Variants in PPM1L observed in about 807,000 individuals in gnomAD.
PPM1L encodes protein phosphatase 1L.
A neutral mutation model predicts 31.4 loss-of-function variants in PPM1L; 13 were observed. That is an observed-to-expected ratio of 0.41 (90% CI 0.27 to 0.66). PPM1L has a LOEUF of 0.66. PPM1L is among the 30% of genes least tolerant of loss of function. PPM1L has a pLI of 0.29. For missense variants in PPM1L, 326 were observed against 453.7 expected, an observed-to-expected ratio of 0.72 and a Z score of 2.56; for synonymous variants, 184 against 175.4, an observed-to-expected ratio of 1.05 and a Z score of -0.39.
chr3:160,915,257 T>A lies in PPM1L; in HGVS notation c.400-46479T>A, dbSNP rs545670677. ...GCAAAAATCACGAGCATTCTTATAC[T>A]CCAATAATAGACAAACAGAGAGCCA... is the stretch of plus-strand genomic sequence containing the variant. On this transcript the variant is annotated intron_variant, in intron 1 of 3. Coordinates refer to ENST00000498165, the MANE Select transcript of PPM1L (RefSeq NM_139245.4). 3.9e-4 allele frequency among the ~76,000 whole-genome samples: 59 copies of A among 152,136 alleles called. No homozygotes were observed. In the East Asian group the frequency reaches 8.3e-3, roughly 21 times the overall value.
chr3:160,838,496 T>C (rs986191984), intron 1 of PPM1L, among the ~76,000 whole-genome samples: 1 of 152,206 alleles, frequency 6.6e-6, no homozygotes, highest in African/African-American at 2.4e-5. Context: ...CAGTCTGTTA[T>C]TGTTCCTTGT....
chr3:160,891,355 C>T (rs180863243), intron 1 of PPM1L, among the ~76,000 whole-genome samples: 70 of 152,130 alleles, frequency 4.6e-4, no homozygotes, highest in African/African-American at 1.7e-3. Context: ...AGAATGTCTT[C>T]TTGAAAGAAG....
chr3:160,798,809 A>T (rs1371047259), intron 1 of PPM1L, among the ~76,000 whole-genome samples: 1 of 152,218 alleles, frequency 6.6e-6, no homozygotes, highest in African/African-American at 2.4e-5. Context: ...GCTGCCATAG[A>T]TAGTGATTCC....
At chr3:160,944,872 T>TATATAAC (rs1559897270) in intron 1 of PPM1L, among the ~76,000 whole-genome samples, 2 of 32,634 alleles carry the variant, frequency 6.1e-5, no homozygotes, top group African/African-American at 1.6e-4. Context: ...TATAATGTTA[T>TATATAAC]ATATAACATA....
rs1283509805 is a variant in PPM1L at position 161,003,476 on chromosome 3, G to A, written c.574+41566G>A. Among the ~76,000 whole-genome samples, 54 of 151,604 alleles carry A rather than the reference G, an allele frequency of 3.6e-4. 1 individual carries two copies. In the South Asian group the frequency reaches 9.7e-3, roughly 27 times the overall value. On this transcript the variant is annotated intron_variant, in intron 2 of 3. Coordinates refer to ENST00000498165, the MANE Select transcript of PPM1L (RefSeq NM_139245.4). ...TTGATTCTTCCTACCCATGAGCATG[G>A]AATGTTCTTCCATTTGTTTGTATCC...
intron 2 of PPM1L, among the ~76,000 whole-genome samples, chr3:161,023,504 C>G (rs1458858206): frequency 6.6e-6 from 1 of 152,128 alleles, no homozygotes; most frequent in African/African-American, 2.4e-5. Context: ...TATTATGCCT[C>G]CTCATATCGG....
chr3:160,961,148 T>C (rs1184331528), intron 1 of PPM1L, among the ~76,000 whole-genome samples: 1 of 152,110 alleles, frequency 6.6e-6, no homozygotes, highest in Non-Finnish European at 1.5e-5. Flanking sequence ...TGGTTTTGTT[T>C]GTTTGTTTGT....
intron 2 of PPM1L, among the ~76,000 whole-genome samples, chr3:161,059,910 C>A (rs1719520741): frequency 6.6e-6 from 1 of 152,104 alleles, no homozygotes; most frequent in Admixed American, 6.5e-5. Context: ...TGATTGGAAG[C>A]TTCTTGAGGC....
In PPM1L at chr3:160,961,868, C is replaced by A. The variant is rs764770635; in HGVS notation, c.532C>A (p.Arg178=). The A allele has an allele frequency of 6.3e-7, 1 of 1,586,882 alleles. No homozygotes were observed. ...ILEQQILSID[R]EMLEKLTVSY... ...TGAACAGCAGATTTTGTCAATTGAC[C>A]GAGAAATGCTAGAAAAATTGACTGT... Residue 178 remains arginine, a synonymous_variant, in exon 2 of 4, where the codon CGA becomes AGA. Transcript: ENST00000498165.
chr3:160,874,477 A>G (rs1387304064), intron 1 of PPM1L, among the ~76,000 whole-genome samples: 1 of 152,056 alleles, frequency 6.6e-6, no homozygotes, highest in Non-Finnish European at 1.5e-5. Flanking sequence ...GCCAAAATGG[A>G]TTTCTATTGC....
At chr3:160,987,189 C>T (rs949193249) in intron 2 of PPM1L, among the ~76,000 whole-genome samples, 2 of 152,084 alleles carry the variant, frequency 1.3e-5, no homozygotes, top group East Asian at 3.9e-4. Context: ...TATGCTGGAG[C>T]CAGACAGGCA....
intron 1 of PPM1L, among the ~76,000 whole-genome samples, chr3:160,903,812 A>C (rs1713649114): frequency 7.0e-6 from 1 of 142,236 alleles, no homozygotes; most frequent in Admixed American, 7.3e-5. Flanking sequence ...GGAAGAGACA[A>C]GTCAAAGGGA....
At chr3:160,815,123 T>C (rs1712956287) in intron 1 of PPM1L, among the ~76,000 whole-genome samples, 1 of 151,990 alleles carries the variant, frequency 6.6e-6, no homozygotes, top group Non-Finnish European at 1.5e-5. Flanking sequence ...CTTATCTATA[T>C]AATGAAATAC....
At chr3:160,773,715 A>G (rs1277944647) in intron 1 of PPM1L, among the ~76,000 whole-genome samples, 2 of 152,092 alleles carry the variant, frequency 1.3e-5, no homozygotes, top group Non-Finnish European at 2.9e-5. Flanking sequence ...TCCTTTTTCC[A>G]TCTGACACTT....
intron 1 of PPM1L, among the ~76,000 whole-genome samples, chr3:160,788,210 G>A (rs998239642): frequency 6.6e-6 from 1 of 152,092 alleles, no homozygotes; most frequent in African/African-American, 2.4e-5. Flanking sequence ...TGGGCAGTAT[G>A]ACCATTTTAA....
At chr3:160,917,595 T>G (rs1714232038) in intron 1 of PPM1L, among the ~76,000 whole-genome samples, 1 of 152,180 alleles carries the variant, frequency 6.6e-6, no homozygotes, top group East Asian at 1.9e-4. Context: ...TAAGACTGGT[T>G]ATTTGTTTCC....
chr3:160,844,920 C>T (rs532170050), intron 1 of PPM1L, among the ~76,000 whole-genome samples: 3 of 152,014 alleles, frequency 2.0e-5, no homozygotes, highest in Non-Finnish European at 4.4e-5. Context: ...CTTCCTTGTC[C>T]CCCCAACCTA....
intron 2 of PPM1L, among the ~76,000 whole-genome samples, chr3:161,004,681 G>A (rs1363954220): frequency 6.7e-6 from 1 of 149,118 alleles, no homozygotes; most frequent in South Asian, 2.1e-4. Flanking sequence ...GGGATCGGTG[G>A]TGATATCCCC....
chr3:160,955,362 T>C (rs190997744), intron 1 of PPM1L, among the ~76,000 whole-genome samples: 2 of 152,186 alleles, frequency 1.3e-5, no homozygotes, highest in African/African-American at 4.8e-5. Flanking sequence ...ACCAGAATTA[T>C]TTCCTGATTA....
Sources: gnomAD v4.1 joint callset for allele counts (sites outside exome capture counted in the v4.1 genomes callset) on GRCh38, gnomAD v4.1.1 for gene constraint, MANE v1.5 for transcripts, NCBI Gene and HGNC (gene_info 2026-07-23, HGNC 2026-07-21) for gene names.